The following RNF2 variants were observed in gnomAD, a reference collection of about 807,000 sequenced individuals.
RNF2 encodes the protein E3 ubiquitin-protein ligase RING2.
Under a neutral mutation model 37.2 loss-of-function variants are expected in RNF2, and 6 were observed. That is an observed-to-expected ratio of 0.16 (90% CI 0.09 to 0.32). The LOEUF is 0.32. Ranked by LOEUF, RNF2 falls within the 10% of genes least tolerant of loss-of-function variation. RNF2 has a pLI of 1.00. For synonymous variants in RNF2, 133 were observed against 132.7 expected (o/e 1.00, Z -0.02); for missense variants, 251 against 404.0 (o/e 0.62, Z 3.25).
intron 1 of RNF2, among the ~76,000 whole-genome samples, chr1:185,052,906 AG>A (rs1557958358): frequency 6.6e-6 from 1 of 152,234 alleles, no homozygotes; most frequent in Non-Finnish European, 1.5e-5. Flanking sequence ...GCTGTACTAC[AG>A]CTACAGTGCT....
At chr1:185,056,112 T>G (rs1228978223) in intron 1 of RNF2, among the ~76,000 whole-genome samples, 1 of 152,228 alleles carries the variant, frequency 6.6e-6, no homozygotes, top group Non-Finnish European at 1.5e-5. Context: ...GATTGCTCTG[T>G]GATGATTTGT....
At chr1:185,063,722 T>G (rs1650681299) in intron 1 of RNF2, among the ~76,000 whole-genome samples, 1 of 152,026 alleles carries the variant, frequency 6.6e-6, no homozygotes, top group South Asian at 2.1e-4. Flanking sequence ...GTTTCTGGAG[T>G]CTCTAGGGGA....
At chr1:185,093,420 C>G (rs1306506886) in intron 4 of RNF2, 144 bp downstream of exon 4, 5 of 663,052 alleles carry the variant, frequency 7.5e-6, no homozygotes, top group South Asian at 6.4e-5. Context: ...ATACATGCCT[C>G]CAGGCATAAT....
chr1:185,089,201 C>T (rs1651693864), intron 2 of RNF2, among the ~76,000 whole-genome samples: 1 of 152,136 alleles, frequency 6.6e-6, no homozygotes, highest in Admixed American at 6.5e-5. Context: ...CTAATGCCAC[C>T]ACTGATCTGA....
chr1:185,091,084 T>C (rs1343021045), intron 2 of RNF2, among the ~76,000 whole-genome samples: 2 of 152,216 alleles, frequency 1.3e-5, no homozygotes, highest in Non-Finnish European at 2.9e-5. Flanking sequence ...AGAGAAACTT[T>C]TATTGGAATC....
intron 1 of RNF2, among the ~76,000 whole-genome samples, chr1:185,051,839 G>A (rs1056697357): frequency 6.8e-6 from 1 of 146,512 alleles, no homozygotes; most frequent in Non-Finnish European, 1.5e-5. Flanking sequence ...ATGTATATAT[G>A]TATATACATA....
At chr1:185,090,174 C>T (rs1651727510) in intron 2 of RNF2, among the ~76,000 whole-genome samples, 1 of 152,132 alleles carries the variant, frequency 6.6e-6, no homozygotes, top group African/African-American at 2.4e-5. Context: ...CCCGCCTCGG[C>T]CTCCCGAAGT....
At chr1:185,095,442 C>T (rs1364320507) in intron 4 of RNF2, among the ~76,000 whole-genome samples, 1 of 152,184 alleles carries the variant, frequency 6.6e-6, no homozygotes, top group Non-Finnish European at 1.5e-5. Context: ...ACTTTCTTAG[C>T]AGGTATCTGC....
rs1652049979 is a variant in RNF2, at chr1:185,100,549, T to C, written c.*248T>C. The C allele has an allele frequency of 7.0e-6, 2 of 286,832 alleles. No homozygotes were observed. The highest frequency in any genetic ancestry group is 1.3e-5 in the Non-Finnish European group (2 of 155,958). The allele number at this position is 286,832 out of a possible 1,614,324, so 17.8% of individuals were successfully genotyped here. ...TATATCTGAAGTTTCTTGTGTTTTT[T>C]TTTTTCCCCACAAAGTGTGTTTCCA... On this transcript the variant is annotated 3_prime_UTR_variant, in exon 7 of 7. Transcript: ENST00000367510.
At chr1:185,070,079 C>G (rs770653953) in intron 1 of RNF2, among the ~76,000 whole-genome samples, 3 of 152,102 alleles carry the variant, frequency 2.0e-5, no homozygotes, top group Non-Finnish European at 4.4e-5. Context: ...ATAATTTTCT[C>G]CCTGGTCTTT....
chr1:185,074,190 G>C (rs1024951007), intron 1 of RNF2, among the ~76,000 whole-genome samples: 1 of 152,190 alleles, frequency 6.6e-6, no homozygotes, highest in African/African-American at 2.4e-5. Context: ...CTGTCCTGTG[G>C]AGTTAGAGTG....
At chr1:185,084,115 A>G (rs1651510431) in intron 1 of RNF2, among the ~76,000 whole-genome samples, 1 of 150,696 alleles carries the variant, frequency 6.6e-6, no homozygotes, top group South Asian at 2.1e-4. Flanking sequence ...CTAATTTTTA[A>G]TTTTTTTTTG....
chr1:185,073,936 A>G (rs1467229190), intron 1 of RNF2, among the ~76,000 whole-genome samples: 1 of 152,200 alleles, frequency 6.6e-6, no homozygotes, highest in Non-Finnish European at 1.5e-5. Flanking sequence ...TCAGTCCCAC[A>G]AGAGACTGCC....
chr1:185,074,752 A>G (rs977013949), intron 1 of RNF2, among the ~76,000 whole-genome samples: 6 of 152,194 alleles, frequency 3.9e-5, no homozygotes, highest in Non-Finnish European at 1.5e-5. Context: ...TCTAAACAAT[A>G]CCATATAACA....
chr1:185,080,112 G>A (rs532834281), intron 1 of RNF2, among the ~76,000 whole-genome samples: 6 of 152,080 alleles, frequency 3.9e-5, no homozygotes, highest in Non-Finnish European at 7.3e-5. Context: ...ACCTCACTTC[G>A]TATCTTCTTT....
intron 1 of RNF2, among the ~76,000 whole-genome samples, chr1:185,068,225 G>C (rs1650858977): frequency 6.6e-6 from 1 of 152,202 alleles, no homozygotes; most frequent in African/African-American, 2.4e-5. Flanking sequence ...AGTGTTGTCT[G>C]TGGGTAGTTG....
chr1:185,061,632 TG>T (rs1041015674), intron 1 of RNF2, among the ~76,000 whole-genome samples: 1 of 152,160 alleles, frequency 6.6e-6, no homozygotes, highest in African/African-American at 2.4e-5. Flanking sequence ...AGCTATGACT[TG>T]GGGGAAGCTA....
intron 1 of RNF2, among the ~76,000 whole-genome samples, chr1:185,081,205 T>G (rs936548636): frequency 1.3e-5 from 2 of 152,194 alleles, no homozygotes; most frequent in African/African-American, 4.8e-5. Flanking sequence ...ATAAGTTTGT[T>G]TATTCCTGTA....
chr1:185,101,731 C>T lies in RNF2; in HGVS notation c.*1430C>T, dbSNP rs1652082252. 6.6e-6 allele frequency: 1 copy of T among 151,676 alleles called. No homozygotes were observed. Among genetic ancestry groups the T allele is most frequent in the Non-Finnish European group, 1.5e-5 (1 of 67,904 alleles). 9.4% of individuals were successfully genotyped at this position (151,676 alleles called of 1,614,324 possible). On this transcript the variant is annotated 3_prime_UTR_variant, in exon 7 of 7. Transcript: ENST00000367510. ...TCTGTCAGTTTTGACAGATTGGGGC[C>T]AGCTTGATGTTTTAAATCTTCAGCC...
Sources: allele counts gnomAD v4.1 joint callset (sites outside exome capture counted in the v4.1 genomes callset), GRCh38; gene constraint gnomAD v4.1.1; transcripts MANE v1.5; gene names NCBI Gene and HGNC (gene_info 2026-07-23, HGNC 2026-07-21).